The following DNAH6 variants were observed in gnomAD, a reference collection of about 807,000 sequenced individuals.
DNAH6 encodes the protein axonemal beta dynein heavy chain 6.
In DNAH6, 340 loss-of-function variants were observed where a neutral mutation model predicts 491.4. The observed-to-expected ratio is 0.69, with a 90% CI of 0.63 to 0.76. The LOEUF (loss-of-function observed/expected upper bound fraction) is 0.76. Ranked by LOEUF, DNAH6 falls within the 30% of genes least tolerant of loss-of-function variation. The pLI is 0.00. For synonymous variants in DNAH6, 1,603 were observed against 1,686.1 expected, an observed-to-expected ratio of 0.95 and a Z score of 1.21; for missense variants, 4,443 against 4,972.2, an observed-to-expected ratio of 0.89 and a Z score of 3.20.
intron 62 of DNAH6, among the ~76,000 whole-genome samples, chr2:84,743,388 T>C (rs1672687403): frequency 2.6e-5 from 4 of 152,258 alleles, no homozygotes; most frequent in Admixed American, 2.6e-4. Context: ...GTGGCTGGTA[T>C]TCTAAAAGTG....
chr2:84,672,392 T>C lies in DNAH6; in HGVS notation c.6520T>C (p.Tyr2174His), dbSNP rs1692820619. ...TTTAAACATGCCCAGACTGGATCGC[T>C]ATGGCTCTCAGCCTCCGATTGAATT... ...DDLNMPRLDR[Y>H]GSQPPIELLR... Residue 2174 changes from tyrosine to histidine, a missense_variant, in exon 40 of 77, where the codon TAT becomes CAT. Physicochemically the swap from Tyr to His is moderately conservative, Grantham distance 83. Around this residue, in one of 3 missense-constraint regions of DNAH6, gnomAD observed 2,977 missense variants for 3,296.6 expected, o/e 0.90. Coordinates refer to ENST00000389394, the MANE Select transcript of DNAH6 (RefSeq NM_001370.2). 1 of 1,551,762 alleles carries C rather than the reference T, an allele frequency of 6.4e-7. No individual in the cohort carries two copies. The highest frequency in any genetic ancestry group is 2.4e-5 in the East Asian group (1 of 40,926).
intron 64 of DNAH6, chr2:84,777,651 C>G (rs576291490): frequency 1.1e-4 from 92 of 811,464 alleles, no homozygotes; most frequent in East Asian, 7.5e-4. Context: ...CCACTCCATA[C>G]AGGCACACTG....
chr2:84,744,982 A>T lies in DNAH6; in HGVS notation c.10343-98A>T, dbSNP rs72924744. 1.9e-4 allele frequency: 152 copies of T among 788,546 alleles called. No homozygotes were observed. The African/African-American group carries it at 2.5e-3, about 13-fold the overall frequency. The allele number at this position is 788,546 out of a possible 1,614,324, so 48.8% of individuals were successfully genotyped here. ...TATAGTATACTTGTGGTTAAAACTG[A>T]TAGTAAATATAGAGATATTTTTAAA... On this transcript the variant is annotated intron_variant, in intron 62 of 76. Coordinates refer to ENST00000389394, the MANE Select transcript of DNAH6 (RefSeq NM_001370.2).
intron 23 of DNAH6, among the ~76,000 whole-genome samples, chr2:84,618,292 T>C (rs934601378): frequency 1.3e-5 from 2 of 152,074 alleles, no homozygotes; most frequent in Admixed American, 1.3e-4. Context: ...AGGGAGGGAT[T>C]GTCAGGAGGA....
chr2:84,715,424 T>A (rs1010158265), intron 57 of DNAH6, 136 bp from the exon 58 acceptor site: 2 of 687,450 alleles, frequency 2.9e-6, no homozygotes, highest in Non-Finnish European at 4.9e-6. Flanking sequence ...ACCTAAAGTA[T>A]GTGTGGGGGT....
upstream of DNAH6, among the ~76,000 whole-genome samples, chr2:84,513,805 G>T (rs756448539): frequency 6.6e-6 from 1 of 152,104 alleles, no homozygotes; most frequent in Admixed American, 6.6e-5. Flanking sequence ...TAGTGTAAAT[G>T]AAAAACCCAG....
chr2:84,617,502 T>C (rs1017512675), intron 23 of DNAH6, among the ~76,000 whole-genome samples: 7 of 152,104 alleles, frequency 4.6e-5, no homozygotes, highest in African/African-American at 1.7e-4. Flanking sequence ...ATTCTTCCTA[T>C]TTTTTGTACC....
chr2:84,733,885 T>TA (rs1038199033), intron 62 of DNAH6, among the ~76,000 whole-genome samples: 4 of 150,512 alleles, frequency 2.7e-5, no homozygotes, highest in African/African-American at 9.8e-5. Context: ...TTTTTTTTTT[T>TA]ACTTTTTATT....
At chr2:84,784,837 T>G (rs910065289) in intron 66 of DNAH6, 27 bp downstream of exon 66, 1 of 1,459,836 alleles carries the variant, frequency 6.9e-7, no homozygotes, top group African/African-American at 1.4e-5. Context: ...GTTGGAACAA[T>G]GTGAAATGGT....
intron 62 of DNAH6, among the ~76,000 whole-genome samples, chr2:84,736,611 A>G (rs532467743): frequency 6.6e-5 from 10 of 152,098 alleles, no homozygotes; most frequent in Middle Eastern, 6.8e-3. Flanking sequence ...ATGGGATTGC[A>G]TTCTTTATTT....
rs1313876867 is a variant in DNAH6, at chr2:84,544,419, T to C, written c.849T>C (p.Ser283=). The change falls in exon 5 of 77, where the codon AGT becomes AGC. Residue 283 remains serine (S), a synonymous_variant. Coordinates refer to ENST00000389394, the MANE Select transcript of DNAH6 (RefSeq NM_001370.2). ...FSLFRKWKAF[S]VWRKNVRSKK... ...TGTTCCGGAAATGGAAGGCTTTTAG[T>C]GTATGGAGGAAGAATGTCCGCTCCA... is the stretch of plus-strand genomic sequence containing the variant. The C allele has an allele frequency of 1.9e-6, 3 of 1,541,732 alleles. No individual in the cohort carries two copies. The highest frequency in any genetic ancestry group is 2.5e-5 in the East Asian group (1 of 40,746).
intron 61 of DNAH6, 88 bp downstream of exon 61, chr2:84,727,990 C>T: frequency 1.2e-6 from 1 of 844,674 alleles, no homozygotes; most frequent in Non-Finnish European, 1.9e-6. Context: ...ACCATAATTC[C>T]CATGTGCTGT....
intron 46 of DNAH6, among the ~76,000 whole-genome samples, chr2:84,697,061 C>T (rs1695459929): frequency 6.6e-6 from 1 of 152,128 alleles, no homozygotes; most frequent in Non-Finnish European, 1.5e-5. Context: ...GTAAAATCTT[C>T]AAAATCCAGA....
chr2:84,557,891 T>C lies in DNAH6; in HGVS notation c.1759T>C (p.Phe587Leu). ...AACTGGGCCAAGTTTAGCAGCAGTA[T>C]TTGAGGATGATAAGAATTTTCACAC... ...CGTGPSLAAVFEDDKNFHTII... is the reference protein window; with the variant it reads ...CGTGPSLAAVLEDDKNFHTII... Residue 587 changes from phenylalanine (F) to leucine (L), a missense_variant, in exon 11 of 77, where the codon TTT becomes CTT. By Grantham distance (22) the Phe-to-Leu change is conservative. Transcript: ENST00000389394. The C allele has an allele frequency of 2.5e-6, 4 of 1,612,052 alleles. No individual in the cohort carries two copies. Among genetic ancestry groups the C allele is most frequent in the Non-Finnish European group, 3.4e-6 (4 of 1,178,808 alleles).
At chr2:84,519,332 G>C (rs907702149) in intron 2 of DNAH6, among the ~76,000 whole-genome samples, 34 of 151,992 alleles carry the variant, frequency 2.2e-4, no homozygotes, top group Admixed American at 2.0e-4. Context: ...TACTAAGTTT[G>C]AGGCAGTATG....
chr2:84,561,383 T>C (rs1411054883), intron 11 of DNAH6, among the ~76,000 whole-genome samples: 6 of 152,098 alleles, frequency 3.9e-5, no homozygotes, highest in Non-Finnish European at 7.4e-5. Flanking sequence ...ATACAAAAAT[T>C]AATTCAAGAT....
intron 3 of DNAH6, among the ~76,000 whole-genome samples, chr2:84,527,622 A>G (rs564693408): frequency 1.3e-5 from 2 of 152,204 alleles, no homozygotes; most frequent in Admixed American, 6.5e-5. Context: ...TGGCCTATTC[A>G]TTCTCAGAAG....
intron 11 of DNAH6, among the ~76,000 whole-genome samples, chr2:84,561,591 A>G (rs1680682872): frequency 6.6e-6 from 1 of 152,226 alleles, no homozygotes; most frequent in African/African-American, 2.4e-5. Flanking sequence ...AACTACCATC[A>G]GAGTGAACAG....
rs1690691328 is a variant in DNAH6, at chr2:84,653,841, T to G, written c.5601T>G (p.Ile1867Met). 1 of 1,550,512 alleles carries G rather than the reference T, an allele frequency of 6.4e-7. No homozygotes were observed. Among genetic ancestry groups the G allele is most frequent in the Non-Finnish European group, 8.7e-7 (1 of 1,146,138 alleles). Residue 1867 changes from isoleucine (I) to methionine (M), a missense_variant, in exon 34 of 77, where the codon ATT (isoleucine) becomes ATG (methionine). Physicochemically the swap from Ile to Met is conservative, Grantham distance 10. Around this residue, in one of 3 missense-constraint regions of DNAH6, gnomAD observed 2,977 missense variants for 3,296.6 expected, o/e 0.90. Coordinates refer to ENST00000389394, the MANE Select transcript of DNAH6 (RefSeq NM_001370.2). ...KMLCLANSER[I>M]KLTPQIHMLF... ...TTTGCCTGGCTAACAGTGAGAGGAT[T>G]AAACTCACACCTCAAATTCACATGC...
Sources: allele counts gnomAD v4.1 joint callset (sites outside exome capture counted in the v4.1 genomes callset), GRCh38; gene constraint gnomAD v4.1.1; regional missense constraint gnomAD v4.1.1; transcripts MANE v1.5; gene names NCBI Gene and HGNC (gene_info 2026-07-23, HGNC 2026-07-21).